INPP5A: variants seen among roughly 807,000 people sequenced by gnomAD.
The protein encoded by INPP5A is 43 kDa inositol polyphosphate 5-phophatase.
In INPP5A, 14 loss-of-function variants were observed where a neutral mutation model predicts 65.2. The ratio of observed to expected loss-of-function variants is 0.21; its 90% CI spans 0.14 to 0.34. The LOEUF is 0.34. INPP5A is among the 10% of genes least tolerant of loss of function. INPP5A has a pLI of 1.00. For missense variants in INPP5A, 431 were observed against 545.6 expected, an observed-to-expected ratio of 0.79 and a Z score of 2.09; for synonymous variants, 207 against 208.3, an observed-to-expected ratio of 0.99 and a Z score of 0.05.
intron 1 of INPP5A, among the ~76,000 whole-genome samples, chr10:132,557,882 C>T (rs926963023): frequency 2.0e-5 from 3 of 152,102 alleles, no homozygotes; most frequent in Non-Finnish European, 4.4e-5. Context: ...GCGGGAGTGA[C>T]GCCAGGCTGG....
intron 2 of INPP5A, among the ~76,000 whole-genome samples, chr10:132,626,043 G>A (rs564494644): frequency 2.6e-5 from 4 of 152,242 alleles, no homozygotes; most frequent in Non-Finnish European, 5.9e-5. Flanking sequence ...CTGCTGCCCC[G>A]CCCCTCGGGT....
intron 11 of INPP5A, among the ~76,000 whole-genome samples, chr10:132,752,798 T>G (rs945674547): frequency 1.3e-5 from 2 of 152,124 alleles, no homozygotes; most frequent in African/African-American, 4.8e-5. Context: ...CTCTCAGCAT[T>G]TTGACACAGA....
intron 9 of INPP5A, among the ~76,000 whole-genome samples, chr10:132,747,590 C>T (rs1046087651): frequency 1.1e-4 from 17 of 152,262 alleles, no homozygotes; most frequent in Non-Finnish European, 2.4e-4. Context: ...GGGGTGTCCT[C>T]CTGAGCCCTG....
Position 132,645,936 on chromosome 10 carries a change from G to A in INPP5A, c.186G>A (p.Glu62=). 6.2e-7 allele frequency: 1 copy of A among 1,614,006 alleles called. No individual in the cohort carries two copies. Among genetic ancestry groups the A allele is most frequent in the Non-Finnish European group, 8.5e-7 (1 of 1,179,912 alleles). The change falls in exon 3 of 16, where the codon GAG becomes GAA. Residue 62 remains glutamate, a synonymous_variant. Transcript: ENST00000368594. The part of the protein sequence containing the change: ...HCQEFGGKNY[E]ASMSHVDKFV... Reference sequence around the variant, plus strand: ...AGGAGTTTGGAGGGAAGAACTACGAGGCCTCCATGTCCCACGTGGACAAGT... The same window carrying A: ...AGGAGTTTGGAGGGAAGAACTACGAAGCCTCCATGTCCCACGTGGACAAGT...
At position 132,627,331 on chromosome 10, in the gene INPP5A, C is replaced by T. The variant is rs900867691; in HGVS notation, c.118-18537C>T. 1.8e-4 allele frequency among the ~76,000 whole-genome samples: 28 copies of T among 152,002 alleles called. No individual in the cohort carries two copies. Among genetic ancestry groups the T allele is most frequent in the Non-Finnish European group, 2.9e-4 (20 of 68,026 alleles). On this transcript the variant is annotated intron_variant, in intron 2 of 15. Transcript: ENST00000368594. The surrounding 1 kb of genome is among the most constrained non-coding windows in gnomAD (Gnocchi z 6.6). ...CACCTTGGGTGCTCCCAGGAGGCTT[C>T]ACGGGGAGACCGGGGCCGGGAGCTG...
chr10:132,565,605 CTG>C (rs556218655), intron 1 of INPP5A, among the ~76,000 whole-genome samples: 46 of 152,114 alleles, frequency 3.0e-4, no homozygotes, highest in African/African-American at 9.4e-4. Context: ...ATGTATGTCA[CTG>C]TGTGTGCATG....
intron 4 of INPP5A, among the ~76,000 whole-genome samples, chr10:132,654,421 T>TTGTCCTCCC (rs1458151773): frequency 1.3e-5 from 2 of 152,240 alleles, no homozygotes; most frequent in Admixed American, 6.5e-5. Context: ...CCTCCCTGTC[T>TTGTCCTCCC]TGTCACTGAG....
intron 1 of INPP5A, among the ~76,000 whole-genome samples, chr10:132,571,764 C>T (rs148181638): frequency 1.3e-5 from 2 of 152,170 alleles, no homozygotes; most frequent in South Asian, 4.1e-4. Context: ...GCCCTGATGC[C>T]TGTGCTGTGT....
intron 8 of INPP5A, among the ~76,000 whole-genome samples, chr10:132,711,984 CAT>C (rs1398569211): frequency 3.3e-5 from 5 of 152,204 alleles, no homozygotes; most frequent in East Asian, 1.9e-4. Flanking sequence ...GCCCCAGAGT[CAT>C]GTGTGGTATG....
At position 132,754,974 on chromosome 10, in the gene INPP5A, CAT is replaced by C. The variant is rs1846565928; in HGVS notation, c.903+5130_903+5131del. On this transcript the variant is annotated intron_variant, in intron 11 of 15. Coordinates refer to ENST00000368594, the MANE Select transcript of INPP5A (RefSeq NM_005539.5). ...ATGGGCAAGTGTGTGTATAAGCAGG[CAT>C]GTGTGCGGACGTGTGTGAGCAGGCA... is the stretch of plus-strand genomic sequence containing the variant. Among the ~76,000 whole-genome samples, 3 of 151,096 alleles carry C rather than the reference CAT, an allele frequency of 2.0e-5. No individual in the cohort carries two copies. In the South Asian group the frequency reaches 6.3e-4, roughly 32 times the overall value.
At chr10:132,752,706 G>A (rs1272370964) in intron 11 of INPP5A, among the ~76,000 whole-genome samples, 3 of 143,398 alleles carry the variant, frequency 2.1e-5, no homozygotes, top group East Asian at 2.1e-4. Flanking sequence ...GGGGTGCGGC[G>A]TGGAGGCGGT....
intron 12 of INPP5A, among the ~76,000 whole-genome samples, chr10:132,772,936 A>C (rs1022936730): frequency 6.6e-6 from 1 of 151,908 alleles, no homozygotes; most frequent in Non-Finnish European, 1.5e-5. Flanking sequence ...CACGGAGGCC[A>C]CGGCAGCCAC....
chr10:132,723,871 C>G (rs986324815), intron 8 of INPP5A, among the ~76,000 whole-genome samples: 3 of 148,890 alleles, frequency 2.0e-5, no homozygotes, highest in South Asian at 2.1e-4. Context: ...ACCCTCCGAG[C>G]TTTCTGTGCT....
At chr10:132,657,878 T>C (rs1318796579) in intron 4 of INPP5A, among the ~76,000 whole-genome samples, 1 of 152,220 alleles carries the variant, frequency 6.6e-6, no homozygotes, top group African/African-American at 2.4e-5. Context: ...GGGGGCGAGA[T>C]TGGTTTTCTG....
chr10:132,590,453 A>G (rs1590851223), intron 1 of INPP5A, among the ~76,000 whole-genome samples: 1 of 152,102 alleles, frequency 6.6e-6, no homozygotes, highest in Non-Finnish European at 1.5e-5. Flanking sequence ...GCTGTGTCCA[A>G]CACCTCCTGG....
chr10:132,598,865 A>G (rs1043723439), intron 1 of INPP5A, among the ~76,000 whole-genome samples: 1 of 152,214 alleles, frequency 6.6e-6, no homozygotes, highest in African/African-American at 2.4e-5. Context: ...AGCAAGAGAA[A>G]ATGAGAGAGA....
intron 6 of INPP5A, 71 bp from the exon 7 acceptor site, chr10:132,708,242 G>T (rs1845570489): frequency 1.5e-6 from 2 of 1,346,028 alleles, no homozygotes; most frequent in Admixed American, 1.7e-5. Flanking sequence ...GTGTCCTTTA[G>T]GTGTGTGGGA....
intron 7 of INPP5A, 139 bp from the exon 8 acceptor site, chr10:132,710,198 G>T (rs781163574): frequency 5.9e-5 from 52 of 875,990 alleles, no homozygotes; most frequent in South Asian, 1.7e-4. Context: ...CAGGTGGGTG[G>T]ACAGGTGCCC....
rs970007849 is a variant in INPP5A, at chr10:132,741,604, G to A, written c.733-7913G>A. On this transcript the variant is annotated intron_variant, in intron 9 of 15. Coordinates refer to ENST00000368594, the MANE Select transcript of INPP5A (RefSeq NM_005539.5). This position sits in a 1 kb window ranked among gnomAD's most constrained non-coding sequence, Gnocchi z 4.4. ...GGTGGAGGCTGCTGTCCACTCTGCA[G>A]AACCCCGGCCCTCGTCACACCCAGA... 4.6e-5 allele frequency among the ~76,000 whole-genome samples: 7 copies of A among 152,196 alleles called. No homozygotes were observed. Among genetic ancestry groups the A allele is most frequent in the Admixed American group, 2.6e-4 (4 of 15,280 alleles).
Sources: gnomAD v4.1 joint callset for allele counts (sites outside exome capture counted in the v4.1 genomes callset) on GRCh38, gnomAD v4.1.1 for gene constraint, Gnocchi (gnomAD v3.1) non-coding constraint, MANE v1.5 for transcripts, NCBI Gene and HGNC (gene_info 2026-07-23, HGNC 2026-07-21) for gene names.